The following EFCAB6 variants were observed in gnomAD, a reference collection of about 807,000 sequenced individuals.
EFCAB6 encodes the protein EF-hand calcium-binding domain-containing protein 6.
Under a neutral mutation model 169.8 loss-of-function variants are expected in EFCAB6, and 156 were observed. The observed-to-expected ratio is 0.92, with a 90% CI of 0.81 to 1.05. EFCAB6 has a LOEUF of 1.05. Among genes scored for constraint, EFCAB6 ranks in the 50% least tolerant of loss-of-function variants. The pLI, the probability that EFCAB6 is intolerant of heterozygous loss-of-function variation, is 0.00. For synonymous variants in EFCAB6, 698 were observed against 676.4 expected (o/e 1.03, Z -0.50); for missense variants, 1,800 against 1,829.1 (o/e 0.98, Z 0.29).
At chr22:43,740,267 T>C (rs747498326) in intron 6 of EFCAB6, among the ~76,000 whole-genome samples, 21 of 152,132 alleles carry the variant, frequency 1.4e-4, no homozygotes, top group Non-Finnish European at 3.1e-4. Context: ...ATCACCTCCT[T>C]TTGTCTTTAT....
chr22:43,642,421 G>T lies in EFCAB6; in HGVS notation c.1984-7205C>A, dbSNP rs150652427. 5.6e-4 allele frequency among the ~76,000 whole-genome samples: 84 copies of T among 150,580 alleles called. 6 individuals are homozygous for T. In the East Asian group the frequency reaches 0.016, roughly 29 times the overall value. On this transcript the variant is annotated intron_variant, in intron 17 of 31. Coordinates refer to ENST00000262726, the MANE Select transcript of EFCAB6 (RefSeq NM_022785.4). ...AAAAAAAAAAAGTCTGCCTTGTCTA[G>T]AATTTCAGACATGCTCTGTCTCCCC... is the stretch of plus-strand genomic sequence containing the variant.
intron 17 of EFCAB6, among the ~76,000 whole-genome samples, chr22:43,658,997 C>A (rs1289942283): frequency 6.6e-6 from 1 of 152,228 alleles, no homozygotes; most frequent in Non-Finnish European, 1.5e-5. Flanking sequence ...GCTCCGTGTG[C>A]TGAATCTGAC....
intron 20 of EFCAB6, among the ~76,000 whole-genome samples, chr22:43,616,515 T>C (rs2053697981): frequency 6.6e-6 from 1 of 152,052 alleles, no homozygotes; most frequent in Admixed American, 6.5e-5. Flanking sequence ...ATACAAAAAT[T>C]AGCTGGACAT....
At chr22:43,613,231 A>C (rs565533525) in intron 21 of EFCAB6, among the ~76,000 whole-genome samples, 84 of 149,040 alleles carry the variant, frequency 5.6e-4, no homozygotes, top group African/African-American at 1.9e-3. Flanking sequence ...TTACATAAAT[A>C]TATTCATATC....
chr22:43,592,962 T>C (rs1378283757), intron 23 of EFCAB6, among the ~76,000 whole-genome samples: 1 of 151,998 alleles, frequency 6.6e-6, no homozygotes. Flanking sequence ...CCAAACAAAA[T>C]GAATTCCCCT....
intron 19 of EFCAB6, among the ~76,000 whole-genome samples, chr22:43,630,455 T>C (rs1175336081): frequency 6.6e-6 from 1 of 152,162 alleles, no homozygotes; most frequent in Non-Finnish European, 1.5e-5. Flanking sequence ...ATCGTAAAGA[T>C]AGGAAAGCAA....
intron 4 of EFCAB6, among the ~76,000 whole-genome samples, chr22:43,771,981 A>T (rs1325982089): frequency 6.6e-6 from 1 of 151,948 alleles, no homozygotes; most frequent in East Asian, 1.9e-4. Context: ...TGCTATAATG[A>T]CCTTTCCTTC....
intron 24 of EFCAB6, among the ~76,000 whole-genome samples, chr22:43,582,341 T>TAC (rs34578401): frequency 0.38 from 56,959 of 148,224 alleles, 11,117 homozygotes; most frequent in East Asian, 0.73. Context: ...TCTATACACA[T>TAC]ACACACACAC....
intron 26 of EFCAB6, among the ~76,000 whole-genome samples, chr22:43,559,607 C>G (rs1469302777): frequency 6.6e-6 from 1 of 152,160 alleles, no homozygotes; most frequent in Non-Finnish European, 1.5e-5. Flanking sequence ...GACTTGGAAC[C>G]AACCCAAATG....
At chr22:43,637,873 C>T (rs1487939858) in intron 17 of EFCAB6, among the ~76,000 whole-genome samples, 1 of 152,222 alleles carries the variant, frequency 6.6e-6, no homozygotes, top group Non-Finnish European at 1.5e-5. Context: ...ATTTTGAAAA[C>T]AATTGCACAT....
At chr22:43,694,201 A>C (rs2058497388) in intron 10 of EFCAB6, among the ~76,000 whole-genome samples, 1 of 152,040 alleles carries the variant, frequency 6.6e-6, no homozygotes, top group Non-Finnish European at 1.5e-5. Context: ...GAGTCACAGA[A>C]AGAGAGGAGA....
intron 23 of EFCAB6, among the ~76,000 whole-genome samples, chr22:43,595,470 G>A (rs969665622): frequency 1.7e-4 from 26 of 152,070 alleles, no homozygotes; most frequent in African/African-American, 6.3e-4. Flanking sequence ...AATATCATTA[G>A]AGACTGCTAT....
At chr22:43,598,310 GGAA>G (rs2052191170) in intron 23 of EFCAB6, among the ~76,000 whole-genome samples, 2 of 57,660 alleles carry the variant, frequency 3.5e-5, no homozygotes, top group Non-Finnish European at 6.9e-5. Flanking sequence ...ACTGTCTCCG[GGAA>G]AAAAAAAAAA....
chr22:43,646,670 C>T (rs2056178272), intron 17 of EFCAB6, among the ~76,000 whole-genome samples: 1 of 152,144 alleles, frequency 6.6e-6, no homozygotes, highest in Admixed American at 6.5e-5. Flanking sequence ...ATGGATTAAG[C>T]ATCTACATTT....
chr22:43,650,252 TG>T (rs2056401263), intron 17 of EFCAB6, among the ~76,000 whole-genome samples: 1 of 152,108 alleles, frequency 6.6e-6, no homozygotes, highest in Non-Finnish European at 1.5e-5. Flanking sequence ...AGGCACCTGG[TG>T]GGAGGTAATT....
At chr22:43,663,994 C>T (rs1205244404) in intron 17 of EFCAB6, among the ~76,000 whole-genome samples, 2 of 152,222 alleles carry the variant, frequency 1.3e-5, no homozygotes, top group South Asian at 4.1e-4. Context: ...TCTGCTTTTC[C>T]TTTCTCCTCC....
chr22:43,536,791 A>G (rs527891245), intron 29 of EFCAB6: 1 of 152,340 alleles, frequency 6.6e-6, no homozygotes, highest in African/African-American at 2.4e-5. Flanking sequence ...GTGAGCTGAG[A>G]TCATACCACT....
chr22:43,623,787 T>C, intron 20 of EFCAB6, among the ~76,000 whole-genome samples: 1 of 147,568 alleles, frequency 6.8e-6, no homozygotes, highest in African/African-American at 2.5e-5. Context: ...TGGGCGCCTG[T>C]AGTCCCAGCT....
intron 10 of EFCAB6, among the ~76,000 whole-genome samples, chr22:43,710,022 C>T (rs1027315671): frequency 9.2e-5 from 14 of 152,202 alleles, no homozygotes; most frequent in Admixed American, 7.9e-4. Flanking sequence ...TCTAGAGAAA[C>T]CCCAAGGCAC....
Sources: gnomAD v4.1 joint callset for allele counts (sites outside exome capture counted in the v4.1 genomes callset) on GRCh38, gnomAD v4.1.1 for gene constraint, MANE v1.5 for transcripts, NCBI Gene and HGNC (gene_info 2026-07-23, HGNC 2026-07-21) for gene names.